Variants in GOLIM4 observed in about 807,000 individuals in gnomAD.
GOLIM4 encodes 130 kDa golgi-localized phosphoprotein.
Under a neutral mutation model 107.4 loss-of-function variants are expected in GOLIM4, and 71 were observed. That is an observed-to-expected ratio of 0.66 (90% CI 0.55 to 0.81). The LOEUF is 0.81. Among genes scored for constraint, GOLIM4 ranks in the 30% least tolerant of loss-of-function variants. The probability of loss-of-function intolerance (pLI) is 0.00; values close to 1 mark genes in which losing one functional copy is unlikely to be tolerated. For synonymous variants in GOLIM4, 327 were observed against 294.8 expected, an observed-to-expected ratio of 1.11 and a Z score of -1.12; for missense variants, 830 against 826.1, an observed-to-expected ratio of 1.00 and a Z score of -0.06.
intron 14 of GOLIM4, among the ~76,000 whole-genome samples, chr3:168,018,913 A>G (rs1275679940): frequency 6.6e-6 from 1 of 152,132 alleles, no homozygotes; most frequent in African/African-American, 2.4e-5. Flanking sequence ...GTGAAGGGCC[A>G]GATAGCAAAT....
rs1239891470 is a variant in GOLIM4, at chr3:168,030,184, A to G, written c.1177-148T>C. ...AACTGTGATTATACATGAAGTCCAA[A>G]AACTCCTATTTCCCAACTTTCTCTG... is the stretch of plus-strand genomic sequence containing the variant. On this transcript the variant is annotated intron_variant, in intron 9 of 15. Transcript: ENST00000470487. 4 of 770,954 alleles carry G rather than the reference A, an allele frequency of 5.2e-6. No homozygotes were observed. The Admixed American group carries it at 1.2e-4, about 23-fold the overall frequency. 47.8% of individuals were successfully genotyped at this position (770,954 alleles called of 1,614,324 possible). A position where few individuals can be genotyped will look rare whatever the true frequency, so the allele number is the denominator to read the frequency against.
In GOLIM4 at chr3:168,009,787, A is replaced by C. The variant is rs979798562; in HGVS notation, c.*482T>G. ...ACTCCAGAGATACATAGACTGGTGAAAATTCTATCAGAGCTATACATAAAG... is the reference window on the plus strand; with the variant it reads ...ACTCCAGAGATACATAGACTGGTGACAATTCTATCAGAGCTATACATAAAG... On this transcript the variant is annotated 3_prime_UTR_variant, in exon 16 of 16. Coordinates refer to ENST00000470487, the MANE Select transcript of GOLIM4 (RefSeq NM_014498.5). 2 of 152,490 alleles carry C rather than the reference A, an allele frequency of 1.3e-5. No individual in the cohort carries two copies. Among genetic ancestry groups the C allele is most frequent in the African/African-American group, 4.8e-5 (2 of 41,468 alleles). The allele number at this position is 152,490 out of a possible 1,614,324, so 9.4% of individuals were successfully genotyped here.
At chr3:168,063,634 A>G (rs1174938214) in intron 1 of GOLIM4, among the ~76,000 whole-genome samples, 2 of 149,784 alleles carry the variant, frequency 1.3e-5, no homozygotes, top group Non-Finnish European at 1.5e-5. Flanking sequence ...AGCCTTCAAG[A>G]GTAGAAGGCT....
chr3:168,033,108 A>G lies in GOLIM4; in HGVS notation c.844-256T>C, dbSNP rs572124083. Among the ~76,000 whole-genome samples the G allele has an allele frequency of 2.6e-5, 4 of 152,312 alleles. No homozygotes were observed. In the South Asian group the frequency reaches 8.3e-4, roughly 32 times the overall value. ...AAATAACCTGGAAAATAAAACCTCC[A>G]AGTAACCAATATCTCAGAAGTACTC... On this transcript the variant is annotated intron_variant, in intron 8 of 15. Coordinates refer to ENST00000470487, the MANE Select transcript of GOLIM4 (RefSeq NM_014498.5).
At chr3:168,093,901 A>G (rs559835127) in intron 1 of GOLIM4, among the ~76,000 whole-genome samples, 1 of 152,346 alleles carries the variant, frequency 6.6e-6, no homozygotes, top group Admixed American at 6.5e-5. Flanking sequence ...ACTCAAAATA[A>G]CTGAAGCAAA....
chr3:168,085,173 T>G (rs1474242204), intron 1 of GOLIM4, among the ~76,000 whole-genome samples: 1 of 152,188 alleles, frequency 6.6e-6, no homozygotes, highest in African/African-American at 2.4e-5. Flanking sequence ...ATGTTGAAAT[T>G]AAGAAACAGC....
At chr3:168,087,064 A>G (rs1721665587) in intron 1 of GOLIM4, among the ~76,000 whole-genome samples, 1 of 152,138 alleles carries the variant, frequency 6.6e-6, no homozygotes, top group Non-Finnish European at 1.5e-5. Context: ...ATGCATTCCT[A>G]AACTTCAGAC....
At chr3:168,080,532 G>A (rs1047119060) in intron 1 of GOLIM4, among the ~76,000 whole-genome samples, 4 of 152,194 alleles carry the variant, frequency 2.6e-5, no homozygotes, top group Non-Finnish European at 5.9e-5. Flanking sequence ...CAGTCGCCAA[G>A]TCATTCCATC....
chr3:168,046,262 CA>C (rs1719296439), intron 3 of GOLIM4, among the ~76,000 whole-genome samples: 1 of 151,830 alleles, frequency 6.6e-6, no homozygotes, highest in Admixed American at 6.6e-5. Context: ...AGCTTTTATC[CA>C]GTTAATTTGG....
At chr3:168,082,806 G>A (rs1721440269) in intron 1 of GOLIM4, among the ~76,000 whole-genome samples, 1 of 151,886 alleles carries the variant, frequency 6.6e-6, no homozygotes, top group South Asian at 2.1e-4. Context: ...CATACACACA[G>A]CAATGGGGCA....
intron 7 of GOLIM4, among the ~76,000 whole-genome samples, chr3:168,038,990 G>A (rs1261200707): frequency 6.6e-6 from 1 of 152,196 alleles, no homozygotes; most frequent in Non-Finnish European, 1.5e-5. Flanking sequence ...CAACCTGGAA[G>A]AAGAGGGCCC....
At chr3:168,062,658 T>C (rs1027538539) in intron 1 of GOLIM4, among the ~76,000 whole-genome samples, 3 of 152,202 alleles carry the variant, frequency 2.0e-5, no homozygotes, top group African/African-American at 7.2e-5. Context: ...AGGCTTTGCA[T>C]TGACTCCACC....
chr3:168,034,703 C>CGTGTTGTGG, intron 8 of GOLIM4, among the ~76,000 whole-genome samples: 1 of 152,292 alleles, frequency 6.6e-6, no homozygotes, highest in East Asian at 1.9e-4. Flanking sequence ...TGAATTCCCA[C>CGTGTTGTGG]GTGTTGTGGG....
chr3:168,024,408 A>C (rs767255841), intron 14 of GOLIM4, 118 bp downstream of exon 14: 37 of 819,448 alleles, frequency 4.5e-5, no homozygotes, highest in Non-Finnish European at 6.8e-5. Flanking sequence ...TATCCTGCTT[A>C]AATTTTTCTG....
chr3:168,048,639 T>C lies in GOLIM4; in HGVS notation c.188-274A>G, dbSNP rs115503123. 9.5e-3 allele frequency among the ~76,000 whole-genome samples: 1,446 copies of C among 152,294 alleles called. 22 individuals are homozygous for C. The highest frequency in any genetic ancestry group is 0.031 in the African/African-American group (1,299 of 41,570). On this transcript the variant is annotated intron_variant, in intron 1 of 15. Transcript: ENST00000470487. ...CAGCTCCATTTCCTTCTAGGCCTCTTAAATGCAAGTGTCTTTTTGAGATCT... is the reference window on the plus strand; with the variant it reads ...CAGCTCCATTTCCTTCTAGGCCTCTCAAATGCAAGTGTCTTTTTGAGATCT...
At chr3:168,022,126 G>A (rs1235211997) in intron 14 of GOLIM4, among the ~76,000 whole-genome samples, 1 of 151,966 alleles carries the variant, frequency 6.6e-6, no homozygotes, top group East Asian at 1.9e-4. Flanking sequence ...TACTTCTTTT[G>A]GGTCCTCTTA....
At chr3:168,052,477 T>C (rs537759709) in intron 1 of GOLIM4, among the ~76,000 whole-genome samples, 3 of 152,256 alleles carry the variant, frequency 2.0e-5, no homozygotes, top group South Asian at 2.1e-4. Context: ...CAGTTTTCTT[T>C]TACTTAAAAA....
chr3:168,018,747 T>C (rs962668024), intron 14 of GOLIM4, among the ~76,000 whole-genome samples: 2 of 152,180 alleles, frequency 1.3e-5, no homozygotes, highest in African/African-American at 4.8e-5. Flanking sequence ...CTGTCAATTT[T>C]GATTAACAAA....
intron 14 of GOLIM4, among the ~76,000 whole-genome samples, chr3:168,013,813 C>T (rs1320080942): frequency 6.6e-6 from 1 of 151,206 alleles, no homozygotes; most frequent in East Asian, 1.9e-4. Flanking sequence ...GAAATGAAGG[C>T]AGAAATAAAG....
Sources: gnomAD v4.1 joint callset for allele counts (sites outside exome capture counted in the v4.1 genomes callset) on GRCh38, gnomAD v4.1.1 for gene constraint, MANE v1.5 for transcripts, NCBI Gene and HGNC (gene_info 2026-07-23, HGNC 2026-07-21) for gene names.